The following KLC1 variants were observed in gnomAD, a reference collection of about 807,000 sequenced individuals.
KLC1 encodes the protein kinesin light chain 1.
A neutral mutation model predicts 84.2 loss-of-function variants in KLC1; 30 were observed. That is an observed-to-expected ratio of 0.36 (90% CI 0.27 to 0.48). The LOEUF is 0.48. KLC1 is among the 20% of genes least tolerant of loss of function. The probability of loss-of-function intolerance (pLI) is 0.99; values close to 1 mark genes in which losing one functional copy is unlikely to be tolerated. For synonymous variants in KLC1, 289 were observed against 293.3 expected, an observed-to-expected ratio of 0.99 and a Z score of 0.15; for missense variants, 499 against 805.4, an observed-to-expected ratio of 0.62 and a Z score of 4.60.
intron 15 of KLC1, 69 bp from the exon 16 acceptor site, chr14:103,700,586 C>A (rs371505686): frequency 7.7e-7 from 1 of 1,302,164 alleles, no homozygotes; most frequent in South Asian, 1.2e-5. Flanking sequence ...GTGTCACGCC[C>A]GGAGCTCTGA....
chr14:103,643,992 G>C (rs959530212), intron 1 of KLC1, among the ~76,000 whole-genome samples: 1 of 152,112 alleles, frequency 6.6e-6, no homozygotes, highest in African/African-American at 2.4e-5. Context: ...GAGGCAGGCA[G>C]ATCACGAGGT....
At chr14:103,640,055 G>C (rs1475702894) in intron 1 of KLC1, among the ~76,000 whole-genome samples, 14 of 151,194 alleles carry the variant, frequency 9.3e-5, no homozygotes, top group Non-Finnish European at 2.1e-4. Context: ...GAGTCAGGCT[G>C]TGAATTCTTT....
intron 2 of KLC1, among the ~76,000 whole-genome samples, chr14:103,657,239 G>A (rs1675995050): frequency 6.6e-6 from 1 of 152,076 alleles, no homozygotes; most frequent in Non-Finnish European, 1.5e-5. Context: ...TTGATAGAAA[G>A]TAAAATAATA....
chr14:103,679,224 C>T lies in KLC1; in HGVS notation c.1489-160C>T, dbSNP rs548589213. 896 of 902,746 alleles carry T rather than the reference C, an allele frequency of 9.9e-4. 1 individual carries two copies. Among genetic ancestry groups the T allele is most frequent in the Middle Eastern group, 2.9e-3 (10 of 3,414 alleles). The allele number at this position is 902,746 out of a possible 1,614,324, so 55.9% of individuals were successfully genotyped here. A position where few individuals can be genotyped will look rare whatever the true frequency, so the allele number is the denominator to read the frequency against. On this transcript the variant is annotated intron_variant, in intron 12 of 16. Coordinates refer to ENST00000334553, the MANE Select transcript of KLC1 (RefSeq NM_001394837.1). ...GTCCTTTGTGTTTCCAGTTCCCCGC[C>T]TCCACCCTCACCCCCTCCAAGGAAC...
intron 13 of KLC1, chr14:103,685,728 TCTA>T: frequency 7.8e-7 from 1 of 1,289,166 alleles, no homozygotes. Context: ...GCCCGCTGTG[TCTA>T]GCAGCCTCTA....
At chr14:103,698,451 C>A in intron 15 of KLC1, 1 of 359,074 alleles carries the variant, frequency 2.8e-6, no homozygotes, top group Non-Finnish European at 5.3e-6. Flanking sequence ...AGTTGGGCTT[C>A]CATGTGGAGA....
At chr14:103,644,408 G>T (rs989121034) in intron 1 of KLC1, among the ~76,000 whole-genome samples, 1 of 151,566 alleles carries the variant, frequency 6.6e-6, no homozygotes, top group South Asian at 2.1e-4. Context: ...ACAGGCTCCC[G>T]CCACCACACC....
rs368831796 is a variant in KLC1 at position 103,699,472 on chromosome 14, T to G, written c.1849-1183T>G. The G allele has an allele frequency of 1.2e-5, 20 of 1,612,610 alleles. No individual in the cohort carries two copies. The Admixed American group carries it at 2.3e-4, about 19-fold the overall frequency. ...TGGGGGCGGAGGCCTGGCTGTCAAA[T>G]TCACAGCGGAATGGGGCTGCCACCG... On this transcript the variant is annotated intron_variant, in intron 15 of 16. Transcript: ENST00000334553.
rs796837037 is a variant in KLC1, at chr14:103,657,486, G to A, written c.262-60G>A. 29 of 1,376,976 alleles carry A rather than the reference G, an allele frequency of 2.1e-5. No individual in the cohort carries two copies. In the African/African-American group the frequency reaches 3.8e-4, roughly 18 times the overall value. The allele number at this position is 1,376,976 out of a possible 1,614,324, so 85.3% of individuals were successfully genotyped here. Reference sequence around the variant, plus strand: ...CCCCAGCCACAGAATGTTCGCACGGGTGGGAGGGACTCTTGCTGGACAACG... The same window carrying A: ...CCCCAGCCACAGAATGTTCGCACGGATGGGAGGGACTCTTGCTGGACAACG... On this transcript the variant is annotated intron_variant, in intron 2 of 16. Transcript: ENST00000334553.
chr14:103,696,134 C>T (rs1050197123), intron 15 of KLC1: 123 of 968,022 alleles, frequency 1.3e-4, no homozygotes, highest in Middle Eastern at 5.2e-4. Context: ...GTGTGTGCAG[C>T]GCCCGTCCCC....
In KLC1 at chr14:103,694,069, G is replaced by A; in HGVS notation, c.1848+1644G>A. 5 of 987,354 alleles carry A rather than the reference G, an allele frequency of 5.1e-6. No homozygotes were observed. The highest frequency in any genetic ancestry group is 6.0e-6 in the Non-Finnish European group (5 of 829,964). 61.2% of individuals were successfully genotyped at this position (987,354 alleles called of 1,614,324 possible). ...GATAGGCATTTAGTGATCTATGGCA[G>A]TAAAGCCTGAAGCTTAGCGGACACT... On this transcript the variant is annotated intron_variant, in intron 15 of 16. Transcript: ENST00000334553. This position sits in a 1 kb window ranked among gnomAD's most constrained non-coding sequence, Gnocchi z 4.5.
Position 103,662,095 on chromosome 14 carries a change from T to C in KLC1, c.493-21T>C, listed in dbSNP as rs762900153. ...GTATAGCACGTGTAAGATGAAGTGT[T>C]GTCCTGGGTCTGTTTTATAGGAGGA... On this transcript the variant is annotated intron_variant, in intron 3 of 16. Transcript: ENST00000334553. 7.0e-6 allele frequency: 11 copies of C among 1,575,808 alleles called. No homozygotes were observed. In the Admixed American group the frequency reaches 1.2e-4, roughly 17 times the overall value.
At chr14:103,633,300 G>T (rs992439006) in intron 1 of KLC1, among the ~76,000 whole-genome samples, 1 of 151,914 alleles carries the variant, frequency 6.6e-6, no homozygotes, top group Non-Finnish European at 1.5e-5. Flanking sequence ...CTCGTGATCC[G>T]CCCGCCTTGG....
At chr14:103,630,371 AAATG>A (rs1297365079) in intron 1 of KLC1, among the ~76,000 whole-genome samples, 2 of 152,254 alleles carry the variant, frequency 1.3e-5, no homozygotes, top group Non-Finnish European at 2.9e-5. Flanking sequence ...TTTATTATTT[AAATG>A]AATTAAGAAT....
At chr14:103,658,597 T>C (rs2079017778) in intron 3 of KLC1, among the ~76,000 whole-genome samples, 1 of 151,560 alleles carries the variant, frequency 6.6e-6, no homozygotes, top group Non-Finnish European at 1.5e-5. Flanking sequence ...TGGCTCTATT[T>C]GGATGTTTAT....
At chr14:103,695,097 T>C (rs746886768) in intron 15 of KLC1, 11 of 984,908 alleles carry the variant, frequency 1.1e-5, no homozygotes, top group Non-Finnish European at 1.3e-5. Flanking sequence ...TACATAGAGG[T>C]GTTGAAGAAA....
intron 1 of KLC1, among the ~76,000 whole-genome samples, chr14:103,647,369 G>A (rs963811794): frequency 1.3e-5 from 2 of 151,814 alleles, no homozygotes; most frequent in African/African-American, 4.8e-5. Context: ...GACTACAGGT[G>A]TGTGCCACCA....
intron 5 of KLC1, among the ~76,000 whole-genome samples, chr14:103,668,831 G>C (rs941650154): frequency 6.6e-6 from 1 of 151,370 alleles, no homozygotes; most frequent in Admixed American, 6.6e-5. Flanking sequence ...AGGCTGGAGT[G>C]CAGTGGCACG....
intron 15 of KLC1, chr14:103,699,554 T>C: frequency 4.3e-6 from 7 of 1,613,382 alleles, no homozygotes; most frequent in Non-Finnish European, 5.1e-6. Flanking sequence ...GACCTTCTTA[T>C]TCACACACTC....
Sources: gnomAD v4.1 joint callset for allele counts (sites outside exome capture counted in the v4.1 genomes callset) on GRCh38, gnomAD v4.1.1 for gene constraint, Gnocchi (gnomAD v3.1) non-coding constraint, MANE v1.5 for transcripts, NCBI Gene and HGNC (gene_info 2026-07-23, HGNC 2026-07-21) for gene names.